Variants in EIF2AK1 observed in about 807,000 individuals in gnomAD.
EIF2AK1 encodes eukaryotic translation initiation factor 2 alpha kinase 1.
A neutral mutation model predicts 77.9 loss-of-function variants in EIF2AK1; 54 were observed. That is an observed-to-expected ratio of 0.69 (90% CI 0.56 to 0.87). EIF2AK1 has a LOEUF of 0.87. Ranked by LOEUF, EIF2AK1 falls within the 40% of genes least tolerant of loss-of-function variation. The pLI is 0.00. For synonymous variants in EIF2AK1, 314 were observed against 290.5 expected (o/e 1.08, Z -0.82); for missense variants, 810 against 768.6 (o/e 1.05, Z -0.64).
chr7:6,037,874 T>C (rs979244691), intron 10 of EIF2AK1, among the ~76,000 whole-genome samples: 19 of 151,692 alleles, frequency 1.3e-4, no homozygotes, highest in African/African-American at 3.9e-4. Flanking sequence ...CCTTGAACCC[T>C]TGACATTCTG....
At chr7:6,044,921 G>C (rs1189757854) in intron 6 of EIF2AK1, among the ~76,000 whole-genome samples, 1 of 152,080 alleles carries the variant, frequency 6.6e-6, no homozygotes. Flanking sequence ...AGTGTTCGAA[G>C]CACATTTAAG....
chr7:6,056,007 A>G (rs111273789), intron 1 of EIF2AK1, among the ~76,000 whole-genome samples: 27 of 146,474 alleles, frequency 1.8e-4, no homozygotes, highest in Non-Finnish European at 2.5e-4. Flanking sequence ...AAAAAAAAAA[A>G]ACTAGCTGGG....
intron 5 of EIF2AK1, 130 bp downstream of exon 5, chr7:6,046,862 G>A (rs765803467): frequency 4.3e-5 from 34 of 788,172 alleles, no homozygotes; most frequent in African/African-American, 2.9e-4. Context: ...AGATTGCGCC[G>A]CGCACTCCAG....
intron 1 of EIF2AK1, chr7:6,058,036 T>A (rs558030): frequency 0.38 from 157,097 of 416,280 alleles, 31,106 homozygotes; most frequent in Middle Eastern, 0.46. Flanking sequence ...TTCACCTAGT[T>A]AGAGTCAATG....
At chr7:6,037,558 A>G in intron 10 of EIF2AK1, 34 bp from the exon 11 acceptor site, 1 of 1,365,716 alleles carries the variant, frequency 7.3e-7, no homozygotes, top group Non-Finnish European at 1.0e-6. Context: ...TATTTCTCTA[A>G]TTTTTTTACT....
In EIF2AK1 at chr7:6,035,832, G is replaced by A; in HGVS notation, c.1332+1592C>T. 6.5e-7 allele frequency: 1 copy of A among 1,549,228 alleles called. No individual in the cohort carries two copies. Among genetic ancestry groups the A allele is most frequent in the Non-Finnish European group, 8.7e-7 (1 of 1,145,790 alleles). On this transcript the variant is annotated intron_variant, in intron 11 of 14. Coordinates refer to ENST00000199389, the MANE Select transcript of EIF2AK1 (RefSeq NM_014413.4). The surrounding 1 kb of genome is among the most constrained non-coding windows in gnomAD (Gnocchi z 5.5). The stretch of plus-strand genomic sequence containing the variant: ...CGTCAACTGTGCTGTCTCTTCCACG[G>A]GGAACACGCCCCTGAAGCTTGCAGT...
intron 3 of EIF2AK1, 76 bp downstream of exon 3, chr7:6,049,836 C>T: frequency 7.2e-7 from 1 of 1,387,694 alleles, no homozygotes; most frequent in Non-Finnish European, 9.9e-7. Flanking sequence ...CAGAATTTCA[C>T]AGTGCTTTAA....
At chr7:6,042,852 C>T (rs898491357) in intron 8 of EIF2AK1, 81 bp downstream of exon 8, 9 of 1,208,292 alleles carry the variant, frequency 7.4e-6, no homozygotes, top group Middle Eastern at 2.0e-4. Context: ...GGTGACAGAG[C>T]GAGACTCTGT....
intron 9 of EIF2AK1, among the ~76,000 whole-genome samples, chr7:6,039,621 CAAAAAAAAAAA>C (rs767158374): frequency 6.1e-5 from 3 of 49,016 alleles, no homozygotes; most frequent in Non-Finnish European, 1.2e-4. Flanking sequence ...ACTCCATCTC[CAAAAAAAAAAA>C]AAAAAAAAAA....
At chr7:6,026,400 G>A (rs1360144387) in intron 14 of EIF2AK1, 1 of 520,620 alleles carries the variant, frequency 1.9e-6, no homozygotes, top group Non-Finnish European at 3.8e-6. Context: ...TTCCGGGAAG[G>A]AGTCTCACCC....
chr7:6,023,317 A>G lies in EIF2AK1; in HGVS notation c.*1356T>C. On this transcript the variant is annotated 3_prime_UTR_variant, in exon 15 of 15. Coordinates refer to ENST00000199389, the MANE Select transcript of EIF2AK1 (RefSeq NM_014413.4). ...TTTCTTTTCAGTGCCGAAGACGCAG[A>G]TGAAATTCAGCATCCAGACGATGTG... is the stretch of plus-strand genomic sequence containing the variant. 6.2e-7 allele frequency: 1 copy of G among 1,601,892 alleles called. No homozygotes were observed. Among genetic ancestry groups the G allele is most frequent in the South Asian group, 1.1e-5 (1 of 89,482 alleles).
At chr7:6,046,268 A>G (rs1460105766) in intron 5 of EIF2AK1, 117 bp from the exon 6 acceptor site, 1 of 517,350 alleles carries the variant, frequency 1.9e-6, no homozygotes, top group Non-Finnish European at 3.3e-6. Flanking sequence ...AAATATAGCT[A>G]AAGACATGTC....
chr7:6,044,041 G>A (rs1418646868), intron 7 of EIF2AK1, among the ~76,000 whole-genome samples: 2 of 151,808 alleles, frequency 1.3e-5, no homozygotes, highest in East Asian at 3.9e-4. Flanking sequence ...AGAGGTTGCA[G>A]TGAGCAAAGA....
chr7:6,035,799 G>A lies in EIF2AK1; in HGVS notation c.1332+1625C>T, dbSNP rs1253827994. The stretch of plus-strand genomic sequence containing the variant: ...GATGATGGAAACGCTCATTGCCTAT[G>A]GAGCAAACGTCAACTGTGCTGTCTC... On this transcript the variant is annotated intron_variant, in intron 11 of 14. Coordinates refer to ENST00000199389, the MANE Select transcript of EIF2AK1 (RefSeq NM_014413.4). This position sits in a 1 kb window ranked among gnomAD's most constrained non-coding sequence, Gnocchi z 5.5. 1 of 1,550,812 alleles carries A rather than the reference G, an allele frequency of 6.4e-7. No homozygotes were observed. The highest frequency in any genetic ancestry group is 2.0e-5 in the Admixed American group (1 of 50,972).
In EIF2AK1 at chr7:6,032,862, C is replaced by G. The variant is rs1562744181; in HGVS notation, c.1333-3830G>C. 2 of 1,551,050 alleles carry G rather than the reference C, an allele frequency of 1.3e-6. No individual in the cohort carries two copies. The highest frequency in any genetic ancestry group is 2.0e-5 in the Admixed American group (1 of 51,006). On this transcript the variant is annotated intron_variant, in intron 11 of 14. Coordinates refer to ENST00000199389, the MANE Select transcript of EIF2AK1 (RefSeq NM_014413.4). This position sits in a 1 kb window ranked among gnomAD's most constrained non-coding sequence, Gnocchi z 4.3. ...AGCCGACAGAGTCTATCATCCCCATCCATCTGGCTGCCAAGTACCACAAGG... is the reference window on the plus strand; with the variant it reads ...AGCCGACAGAGTCTATCATCCCCATGCATCTGGCTGCCAAGTACCACAAGG...
Position 6,033,390 on chromosome 7 carries a change from A to G in EIF2AK1, c.1332+4034T>C, listed in dbSNP as rs1158400300. On this transcript the variant is annotated intron_variant, in intron 11 of 14. Coordinates refer to ENST00000199389, the MANE Select transcript of EIF2AK1 (RefSeq NM_014413.4). This position sits in a 1 kb window ranked among gnomAD's most constrained non-coding sequence, Gnocchi z 4.4. ...TATGAATGAACCAATGTCTTTACTG[A>G]GTAGATGAGATACTCTGAAAAACTG... 6.6e-6 allele frequency among the ~76,000 whole-genome samples: 1 copy of G among 152,110 alleles called. No homozygotes were observed. The highest frequency in any genetic ancestry group is 2.4e-5 in the African/African-American group (1 of 41,410).
At position 6,024,809 on chromosome 7, in the gene EIF2AK1, G is replaced by A; in HGVS notation, c.1765-8C>T. 1 of 1,491,076 alleles carries A rather than the reference G, an allele frequency of 6.7e-7. No individual in the cohort carries two copies. Among genetic ancestry groups the A allele is most frequent in the Non-Finnish European group, 8.9e-7 (1 of 1,121,264 alleles). The allele number at this position is 1,491,076 out of a possible 1,614,324, so 92.4% of individuals were successfully genotyped here. A position where few individuals can be genotyped will look rare whatever the true frequency, so the allele number is the denominator to read the frequency against. On this transcript the variant is annotated splice_polypyrimidine_tract_variant and splice_region_variant and intron_variant, in intron 14 of 14. Transcript: ENST00000199389. Reference sequence around the variant, plus strand: ...CTGTAGGGTGAGGTTAACCTGTAAGGAGAAAATATTTTAAACTCCATTAAA... The same window carrying A: ...CTGTAGGGTGAGGTTAACCTGTAAGAAGAAAATATTTTAAACTCCATTAAA...
intron 11 of EIF2AK1, among the ~76,000 whole-genome samples, chr7:6,031,223 C>T (rs374263193): frequency 6.6e-6 from 1 of 152,124 alleles, no homozygotes; most frequent in South Asian, 2.1e-4. Flanking sequence ...AAAGTCTGGA[C>T]GCTTGGTTCC....
chr7:6,058,817 C>T (rs542255605), intron 1 of EIF2AK1, 149 bp downstream of exon 1: 9 of 600,254 alleles, frequency 1.5e-5, no homozygotes, highest in Non-Finnish European at 2.4e-5. Flanking sequence ...GCCGCCCCCC[C>T]TCGCACTGCG....
Sources: gnomAD v4.1 joint callset for allele counts (sites outside exome capture counted in the v4.1 genomes callset) on GRCh38, gnomAD v4.1.1 for gene constraint, Gnocchi (gnomAD v3.1) non-coding constraint, MANE v1.5 for transcripts, NCBI Gene and HGNC (gene_info 2026-07-23, HGNC 2026-07-21) for gene names.